Variants in MBTPS1 observed in about 807,000 individuals in gnomAD.
MBTPS1 encodes the protein membrane bound transcription factor peptidase, site 1, also known as membrane-bound transcription factor site-1 protease.
In MBTPS1, 94 loss-of-function variants were observed where a neutral mutation model predicts 127.8. That is an observed-to-expected ratio of 0.74 (90% confidence interval 0.62 to 0.87). MBTPS1 has a LOEUF of 0.87. MBTPS1 is among the 40% of genes least tolerant of loss of function. The pLI is 0.00. For synonymous variants in MBTPS1, 632 were observed against 509.4 expected (o/e 1.24, Z -3.24); for missense variants, 1,636 against 1,353.2 (o/e 1.21, Z -3.28).
chr16:84,089,471 A>T (rs2151161311), intron 8 of MBTPS1, among the ~76,000 whole-genome samples: 1 of 152,378 alleles, frequency 6.6e-6, no homozygotes, highest in East Asian at 1.9e-4. Context: ...GCAATAATAA[A>T]CTGCTGCAGA....
Position 84,069,969 on chromosome 16 carries a change from G to A in MBTPS1, c.1852C>T (p.Pro618Ser). 1 of 1,614,078 alleles carries A rather than the reference G, an allele frequency of 6.2e-7. No individual in the cohort carries two copies. Among genetic ancestry groups the A allele is most frequent in the Non-Finnish European group, 8.5e-7 (1 of 1,179,956 alleles). ...PIKVKIIPTP[P>S]RSKRVLWDQY... ...TCCCAGAGAACTCTCTTGCTTCGCG[G>A]GGGAGTAGGAATTATCTTCACCTTA... The change falls in exon 14 of 23, where the codon CCG (proline) becomes TCG (serine). Residue 618 changes from proline (P) to serine (S), a missense_variant. Physicochemically the swap from Pro to Ser is moderately conservative, Grantham distance 74 (BLOSUM62 -1). Coordinates refer to ENST00000343411, the MANE Select transcript of MBTPS1 (RefSeq NM_003791.4).
chr16:84,113,624 T>C (rs1424307058), intron 1 of MBTPS1, among the ~76,000 whole-genome samples: 1 of 152,248 alleles, frequency 6.6e-6, no homozygotes. Context: ...ACAAAGATTA[T>C]AATTCTGGGC....
At position 84,100,698 on chromosome 16, in the gene MBTPS1, G is replaced by C. The variant is rs372908600; in HGVS notation, c.163+923C>G. Among the ~76,000 whole-genome samples, 7 of 152,248 alleles carry C rather than the reference G, an allele frequency of 4.6e-5. No homozygotes were observed. The South Asian group carries it at 1.5e-3, about 32-fold the overall frequency. Reference sequence around the variant, plus strand: ...GCTGAGATGGCACCACTGCACTCCAGCCTGGGCGACAAGAGCAAAACTCTG... The same window carrying C: ...GCTGAGATGGCACCACTGCACTCCACCCTGGGCGACAAGAGCAAAACTCTG... On this transcript the variant is annotated intron_variant, in intron 2 of 22. Coordinates refer to ENST00000343411, the MANE Select transcript of MBTPS1 (RefSeq NM_003791.4).
chr16:84,115,345 C>G (rs1472965769), intron 1 of MBTPS1, among the ~76,000 whole-genome samples: 1 of 152,204 alleles, frequency 6.6e-6, no homozygotes, highest in Non-Finnish European at 1.5e-5. Context: ...AAAGGACCAA[C>G]TCTTGATTAT....
chr16:84,101,588 G>A (rs771410692), intron 2 of MBTPS1, 33 bp downstream of exon 2: 1 of 1,541,252 alleles, frequency 6.5e-7, no homozygotes, highest in Non-Finnish European at 8.8e-7. Flanking sequence ...AAAATAGGAT[G>A]GGAGTTCCTA....
intron 8 of MBTPS1, among the ~76,000 whole-genome samples, chr16:84,088,269 G>C (rs933319733): frequency 2.0e-5 from 3 of 152,034 alleles, no homozygotes; most frequent in Non-Finnish European, 2.9e-5. Flanking sequence ...AGTGGCTTAA[G>C]AGATAATAGC....
At chr16:84,075,905 G>A (rs377449647) in intron 11 of MBTPS1, among the ~76,000 whole-genome samples, 1 of 152,140 alleles carries the variant, frequency 6.6e-6, no homozygotes, top group East Asian at 1.9e-4. Context: ...TGAATGGATC[G>A]GCCATGTGAC....
At chr16:84,085,621 C>T (rs1200938515) in intron 9 of MBTPS1, among the ~76,000 whole-genome samples, 2 of 126,678 alleles carry the variant, frequency 1.6e-5, no homozygotes, top group African/African-American at 6.1e-5. Flanking sequence ...CACTACAATA[C>T]AGAAAATAAG....
Position 84,081,915 on chromosome 16 carries a change from GA to G in MBTPS1, c.1287-8del. ...CTCACGCTTCTGGACTGTGCTGGAGGAAAAATCAAGAATTGCCTATTTTCTC... is the reference window on the plus strand; with the variant it reads ...CTCACGCTTCTGGACTGTGCTGGAGGAAAATCAAGAATTGCCTATTTTCTC... On this transcript the variant is annotated splice_region_variant and splice_polypyrimidine_tract_variant and intron_variant, in intron 10 of 22. Coordinates refer to ENST00000343411, the MANE Select transcript of MBTPS1 (RefSeq NM_003791.4). 7.3e-7 allele frequency: 1 copy of G among 1,378,652 alleles called. No individual in the cohort carries two copies. The highest frequency in any genetic ancestry group is 9.5e-7 in the Non-Finnish European group (1 of 1,054,704). The allele number at this position is 1,378,652 out of a possible 1,614,324, so 85.4% of individuals were successfully genotyped here.
At chr16:84,075,720 T>C (rs1340582209) in intron 11 of MBTPS1, 2 of 152,246 alleles carry the variant, frequency 1.3e-5, no homozygotes, top group African/African-American at 2.4e-5. Flanking sequence ...GCCAACTGAA[T>C]TGCTATTTAA....
chr16:84,087,613 C>T (rs148254336), intron 8 of MBTPS1, among the ~76,000 whole-genome samples, 153 bp from the exon 9 acceptor site: 9 of 152,292 alleles, frequency 5.9e-5, no homozygotes, highest in African/African-American at 1.4e-4. Context: ...CAGCTCCTCA[C>T]GGCTGTCCTG....
chr16:84,095,934 T>A (rs1049635338), intron 3 of MBTPS1, 129 bp from the exon 4 acceptor site: 8 of 676,424 alleles, frequency 1.2e-5, no homozygotes, highest in Non-Finnish European at 1.5e-5. Flanking sequence ...AGTGGGATTA[T>A]CTTCTTTTTC....
chr16:84,083,941 A>AC (rs1455430536), intron 10 of MBTPS1, among the ~76,000 whole-genome samples: 4 of 152,134 alleles, frequency 2.6e-5, no homozygotes, highest in Non-Finnish European at 5.9e-5. Context: ...ACTCTGGTCT[A>AC]CTCGCTTGGA....
chr16:84,109,693 A>C (rs940047508), intron 1 of MBTPS1: 1 of 152,224 alleles, frequency 6.6e-6, no homozygotes, highest in African/African-American at 2.4e-5. Flanking sequence ...GGCAAGAATG[A>C]CTGAGCTACT....
rs1044700647 is a variant in MBTPS1 at position 84,093,248 on chromosome 16, C to A, written c.786G>T (p.Glu262Asp). 1 of 1,614,096 alleles carries A rather than the reference C, an allele frequency of 6.2e-7. No homozygotes were observed. The highest frequency in any genetic ancestry group is 1.7e-5 in the Admixed American group (1 of 60,024). Residue 262 changes from glutamate (E) to aspartate (D), a missense_variant, in exon 6 of 23, where the codon GAG becomes GAT. Coordinates refer to ENST00000343411, the MANE Select transcript of MBTPS1 (RefSeq NM_003791.4). ...FVAGVIASMRECQGFAPDAEL... is the reference protein window; with the variant it reads ...FVAGVIASMRDCQGFAPDAEL... The stretch of plus-strand genomic sequence containing the variant: ...CTGCATCTGGAGCAAATCCTTGGCA[C>A]TCCCTCATGCTGGCTATCACACCTG...
intron 12 of MBTPS1, among the ~76,000 whole-genome samples, chr16:84,072,945 G>C (rs2085794151): frequency 6.6e-6 from 1 of 152,216 alleles, no homozygotes; most frequent in African/African-American, 2.4e-5. Flanking sequence ...GATTCAGGGA[G>C]CAAATCCAGG....
chr16:84,097,983 G>A (rs555429394), intron 3 of MBTPS1, among the ~76,000 whole-genome samples: 13 of 151,814 alleles, frequency 8.6e-5, no homozygotes, highest in Admixed American at 2.0e-4. Flanking sequence ...AGAAATGATC[G>A]TAAATAATAA....
At chr16:84,081,615 T>C in intron 11 of MBTPS1, 132 bp downstream of exon 11, 2 of 687,588 alleles carry the variant, frequency 2.9e-6, no homozygotes, top group Non-Finnish European at 4.3e-6. Flanking sequence ...CAGCAAAACC[T>C]CTCCAAGCAC....
intron 3 of MBTPS1, among the ~76,000 whole-genome samples, chr16:84,098,669 G>T (rs111692600): frequency 1.1e-4 from 16 of 152,236 alleles, no homozygotes; most frequent in African/African-American, 3.9e-4. Context: ...GAAGCGAAAT[G>T]CAAGGAAGAA....
Sources: allele counts gnomAD v4.1 joint callset (sites outside exome capture counted in the v4.1 genomes callset), GRCh38; gene constraint gnomAD v4.1.1; transcripts MANE v1.5; gene names NCBI Gene and HGNC (gene_info 2026-07-23, HGNC 2026-07-21).